Variants in PCSK6 observed in about 807,000 individuals in gnomAD.
The protein encoded by PCSK6 is proprotein convertase subtilisin/kexin type 6.
A neutral mutation model predicts 123.3 loss-of-function variants in PCSK6; 85 were observed. That is an observed-to-expected ratio of 0.69 (90% CI 0.58 to 0.83). PCSK6 has a LOEUF of 0.83. Among genes scored for constraint, PCSK6 ranks in the 40% least tolerant of loss-of-function variants. The probability of loss-of-function intolerance (pLI) is 0.00; values close to 1 mark genes in which losing one functional copy is unlikely to be tolerated. For missense variants in PCSK6, 1,191 were observed against 1,282.3 expected (o/e 0.93, Z 1.09); for synonymous variants, 508 against 516.0 (o/e 0.98, Z 0.21).
intron 18 of PCSK6, among the ~76,000 whole-genome samples, chr15:101,321,387 A>G (rs1049122613): frequency 2.0e-5 from 3 of 152,276 alleles, no homozygotes; most frequent in African/African-American, 7.2e-5. Context: ...CAGTACTCTG[A>G]TCTGGAAGAA....
At chr15:101,345,359 T>C (rs979858790) in intron 13 of PCSK6, among the ~76,000 whole-genome samples, 2 of 152,356 alleles carry the variant, frequency 1.3e-5, no homozygotes, top group African/African-American at 4.8e-5. Context: ...AAGTTTTATA[T>C]ATCTTTTATT....
intron 13 of PCSK6, among the ~76,000 whole-genome samples, chr15:101,363,078 G>T (rs1017704419): frequency 1.4e-4 from 21 of 152,352 alleles, no homozygotes; most frequent in African/African-American, 5.1e-4. Flanking sequence ...GGGGAGCAGA[G>T]AAGTGGGTGG....
chr15:101,363,894 T>A (rs2041312025), intron 13 of PCSK6, among the ~76,000 whole-genome samples: 1 of 151,968 alleles, frequency 6.6e-6, no homozygotes, highest in Admixed American at 6.6e-5. Context: ...CGCCTCGGCC[T>A]CCCAAAGTGC....
chr15:101,434,632 A>C (rs2056543573), intron 2 of PCSK6, among the ~76,000 whole-genome samples: 2 of 152,230 alleles, frequency 1.3e-5, no homozygotes, highest in Admixed American at 1.3e-4. Context: ...TCGCAGGGGC[A>C]GCCCTCTCTC....
chr15:101,482,437 C>G (rs2057911884), intron 1 of PCSK6, among the ~76,000 whole-genome samples: 1 of 152,184 alleles, frequency 6.6e-6, no homozygotes, highest in African/African-American at 2.4e-5. Flanking sequence ...CCTCCCAGGG[C>G]AGGGTGAAAG....
At chr15:101,403,278 G>C (rs1482350261) in intron 6 of PCSK6, among the ~76,000 whole-genome samples, 1 of 111,470 alleles carries the variant, frequency 9.0e-6, no homozygotes, top group Non-Finnish European at 1.8e-5. Context: ...TTGTGGGGTG[G>C]GGGGAGGGGG....
At chr15:101,463,193 C>A (rs1236146218) in intron 1 of PCSK6, 1 of 443,860 alleles carries the variant, frequency 2.3e-6, no homozygotes, top group East Asian at 7.1e-5. Context: ...GGCTCCTTTG[C>A]CCTCTGACTG....
chr15:101,485,996 T>G (rs189266863), intron 1 of PCSK6, among the ~76,000 whole-genome samples: 153 of 141,864 alleles, frequency 1.1e-3, no homozygotes, highest in African/African-American at 3.1e-3. Context: ...GGAGTTTCAC[T>G]CTTGTCGCCC....
At chr15:101,429,496 C>T (rs941063903) in intron 5 of PCSK6, among the ~76,000 whole-genome samples, 3 of 152,146 alleles carry the variant, frequency 2.0e-5, no homozygotes, top group African/African-American at 7.2e-5. Context: ...TCAACCAGCT[C>T]ACCCGGCATG....
At chr15:101,454,707 G>A (rs767858355) in intron 1 of PCSK6, among the ~76,000 whole-genome samples, 10 of 152,168 alleles carry the variant, frequency 6.6e-5, no homozygotes, top group Non-Finnish European at 8.8e-5. Context: ...TTGGGAGGCC[G>A]AGGCAGGTGG....
intron 6 of PCSK6, among the ~76,000 whole-genome samples, chr15:101,413,465 G>GA (rs144985622): frequency 0.16 from 23,633 of 146,730 alleles, 2,042 homozygotes; most frequent in Non-Finnish European, 0.2. Flanking sequence ...AGGAAGGCAG[G>GA]AAAAAAAAAA....
chr15:101,416,455 T>C (rs12904538), intron 6 of PCSK6, among the ~76,000 whole-genome samples: 47,483 of 152,142 alleles, frequency 0.31, 8,022 homozygotes, highest in African/African-American at 0.45. Context: ...AGCCTGATGA[T>C]GCAGTAGAAA....
At chr15:101,382,878 CT>C (rs2041948181) in intron 10 of PCSK6, among the ~76,000 whole-genome samples, 1 of 152,198 alleles carries the variant, frequency 6.6e-6, no homozygotes, top group Non-Finnish European at 1.5e-5. Context: ...CAGTACACCA[CT>C]ACCACCGACA....
intron 20 of PCSK6, chr15:101,307,533 G>C: frequency 1.9e-6 from 1 of 521,290 alleles, no homozygotes; most frequent in Non-Finnish European, 3.5e-6. Flanking sequence ...ATTGCCCTGG[G>C]AGGGCAGAGA....
chr15:101,332,808 G>T (rs766084432), intron 13 of PCSK6, among the ~76,000 whole-genome samples: 1 of 152,230 alleles, frequency 6.6e-6, no homozygotes, highest in Admixed American at 6.5e-5. Context: ...CACAGGGAGC[G>T]ATGGCCCATG....
At chr15:101,456,396 A>G (rs1281076188) in intron 1 of PCSK6, among the ~76,000 whole-genome samples, 3 of 151,956 alleles carry the variant, frequency 2.0e-5, no homozygotes, top group Admixed American at 2.0e-4. Flanking sequence ...TCTGTCTGGA[A>G]CCCTTGTCCT....
chr15:101,398,693 G>A lies in PCSK6; in HGVS notation c.824-117C>T. 4.4e-6 allele frequency: 5 copies of A among 1,133,560 alleles called. No individual in the cohort carries two copies. Among genetic ancestry groups the A allele is most frequent in the Non-Finnish European group, 6.1e-6 (5 of 816,120 alleles). The allele number at this position is 1,133,560 out of a possible 1,614,324, so 70.2% of individuals were successfully genotyped here. Reference sequence around the variant, plus strand: ...GCATCACAGAGTCCCTCCCCAGCAGGGGCTGTTCCCAGTCATTCTGCAAAA... The same window carrying A: ...GCATCACAGAGTCCCTCCCCAGCAGAGGCTGTTCCCAGTCATTCTGCAAAA... On this transcript the variant is annotated intron_variant, in intron 6 of 21. Transcript: ENST00000611716. The surrounding 1 kb of genome is among the most constrained non-coding windows in gnomAD (Gnocchi z 4.6).
In PCSK6 at chr15:101,318,426, T is replaced by C. The variant is rs1365370743; in HGVS notation, c.2466-4A>G. 6 of 1,553,524 alleles carry C rather than the reference T, an allele frequency of 3.9e-6. No homozygotes were observed. Among genetic ancestry groups the C allele is most frequent in the Non-Finnish European group, 8.7e-7 (1 of 1,148,004 alleles). On this transcript the variant is annotated splice_region_variant and splice_polypyrimidine_tract_variant and intron_variant, in intron 18 of 21. Coordinates refer to ENST00000611716, the MANE Select transcript of PCSK6 (RefSeq NM_002570.5). ...AATGCAGCTGCCCCGTGCAAGGCTG[T>C]TGAAAAGAAAGAGGCAGATTTCCAC...
intron 6 of PCSK6, among the ~76,000 whole-genome samples, chr15:101,408,606 G>A (rs768815146): frequency 1.6e-4 from 25 of 152,188 alleles, no homozygotes; most frequent in Middle Eastern, 3.2e-3. Context: ...GGTGAGGGAC[G>A]AGGAAGTGGG....
Sources: allele counts gnomAD v4.1 joint callset (sites outside exome capture counted in the v4.1 genomes callset), GRCh38; gene constraint gnomAD v4.1.1; non-coding constraint Gnocchi (gnomAD v3.1); transcripts MANE v1.5; gene names NCBI Gene and HGNC (gene_info 2026-07-23, HGNC 2026-07-21).